AKAP19: variants seen among roughly 807,000 people sequenced by gnomAD.
AKAP19 encodes A-kinase anchoring protein 19.
At chr2:189,942,386 T>G in the AKAP19 span, among the ~76,000 whole-genome samples, 2 of 152,230 alleles carry the variant, frequency 1.3e-5, no homozygotes, top group South Asian at 4.1e-4. Flanking sequence ...GCTAGCATTG[T>G]GCTTCCTGTA....
the AKAP19 span, among the ~76,000 whole-genome samples, chr2:189,913,445 TTAATA>T: frequency 1.3e-5 from 2 of 152,100 alleles, no homozygotes; most frequent in South Asian, 2.1e-4. Flanking sequence ...CCAAAACACT[TTAATA>T]TATTTTTTAA....
the AKAP19 span, among the ~76,000 whole-genome samples, chr2:190,119,319 G>A: frequency 1.3e-5 from 2 of 152,244 alleles, no homozygotes; most frequent in Non-Finnish European, 2.9e-5. Context: ...CGCTTAGGTA[G>A]TATCAGCCAG....
chr2:189,886,995 T>C, the AKAP19 span, among the ~76,000 whole-genome samples: 37 of 152,338 alleles, frequency 2.4e-4, no homozygotes, highest in African/African-American at 8.2e-4. Flanking sequence ...TTTTTAAATT[T>C]TTTTTATTAT....
the AKAP19 span, chr2:189,930,281 GA>G: frequency 1.8e-6 from 1 of 542,216 alleles, no homozygotes; most frequent in Non-Finnish European, 2.8e-6. Flanking sequence ...AGTCTAGGTT[GA>G]AAGCAGTGCT....
the AKAP19 span, among the ~76,000 whole-genome samples, chr2:190,106,345 A>G: frequency 6.6e-6 from 1 of 152,196 alleles, no homozygotes; most frequent in East Asian, 1.9e-4. Context: ...TGTAAAATAT[A>G]TTCAGTTTTA....
At chr2:190,058,904 C>A in the AKAP19 span, among the ~76,000 whole-genome samples, 1 of 151,808 alleles carries the variant, frequency 6.6e-6, no homozygotes, top group East Asian at 1.9e-4. Flanking sequence ...GTGATGGGTG[C>A]ACTAAAACCT....
chr2:189,951,194 CTTTTTTTT>C, the AKAP19 span, among the ~76,000 whole-genome samples: 1 of 60,408 alleles, frequency 1.7e-5, no homozygotes, highest in Non-Finnish European at 2.9e-5. Context: ...CTGAATCCTC[CTTTTTTTT>C]TTTTTTTTTT....
the AKAP19 span, among the ~76,000 whole-genome samples, chr2:190,164,960 T>C: frequency 6.6e-6 from 1 of 152,202 alleles, no homozygotes; most frequent in African/African-American, 2.4e-5. Flanking sequence ...AGAATGATCA[T>C]TTCTAAGTCA....
At chr2:190,069,366 A>G in the AKAP19 span, among the ~76,000 whole-genome samples, 1 of 152,188 alleles carries the variant, frequency 6.6e-6, no homozygotes, top group African/African-American at 2.4e-5. Context: ...TGAATTGGCA[A>G]ATAATTTGTC....
chr2:189,981,273 C>CTTTTT, the AKAP19 span, among the ~76,000 whole-genome samples: 2 of 128,986 alleles, frequency 1.6e-5, no homozygotes, highest in Non-Finnish European at 3.3e-5. Flanking sequence ...CCTTCTTTGT[C>CTTTTT]TTTTTTTTTT....
chr2:190,021,519 G>T, the AKAP19 span, among the ~76,000 whole-genome samples: 1 of 152,156 alleles, frequency 6.6e-6, no homozygotes, highest in Admixed American at 6.5e-5. Context: ...TCTTAAAAAA[G>T]AACTTACCAT....
chr2:190,189,792 C>G, the AKAP19 span: 1 of 152,198 alleles, frequency 6.6e-6, no homozygotes, highest in Non-Finnish European at 1.5e-5. Context: ...AGCACTCTAC[C>G]TGTTCCCAAA....
the AKAP19 span, among the ~76,000 whole-genome samples, chr2:190,070,086 G>A: frequency 1.2e-3 from 190 of 152,190 alleles, 1 homozygote; most frequent in African/African-American, 4.0e-3. Flanking sequence ...TTAGGTCAGC[G>A]CTCAATTTCC....
chr2:190,048,563 C>T, the AKAP19 span, among the ~76,000 whole-genome samples: 7 of 152,304 alleles, frequency 4.6e-5, no homozygotes, highest in East Asian at 1.9e-4. Context: ...CATCCCCCCA[C>T]GTACAACTAG....
At chr2:190,189,533 C>A in the AKAP19 span, among the ~76,000 whole-genome samples, 1 of 152,142 alleles carries the variant, frequency 6.6e-6, no homozygotes, top group Non-Finnish European at 1.5e-5. Context: ...GCTAAACCAG[C>A]TGAAGGTTAA....
At chr2:190,063,478 G>T in the AKAP19 span, among the ~76,000 whole-genome samples, 2 of 152,052 alleles carry the variant, frequency 1.3e-5, no homozygotes, top group Non-Finnish European at 1.5e-5. Flanking sequence ...TACCAAGAGG[G>T]TAATGCCAGC....
chr2:190,195,316 G>A, the AKAP19 span, among the ~76,000 whole-genome samples: 3 of 152,252 alleles, frequency 2.0e-5, no homozygotes, highest in African/African-American at 4.8e-5. Flanking sequence ...GGATTTAAGC[G>A]TTCAACTTAT....
the AKAP19 span, among the ~76,000 whole-genome samples, chr2:190,088,440 T>C: frequency 5.9e-5 from 9 of 152,064 alleles, no homozygotes; most frequent in African/African-American, 2.2e-4. Flanking sequence ...TAGTACATTA[T>C]CAACAAGTTT....
the AKAP19 span, among the ~76,000 whole-genome samples, chr2:190,158,571 G>T: frequency 6.6e-6 from 1 of 152,146 alleles, no homozygotes; most frequent in African/African-American, 2.4e-5. Flanking sequence ...TACTTTTAAT[G>T]ATATTGATTA....
Sources: allele counts gnomAD v4.1 joint callset (sites outside exome capture counted in the v4.1 genomes callset), GRCh38; gene constraint gnomAD v4.1.1; transcripts MANE v1.5; gene names NCBI Gene and HGNC (gene_info 2026-07-23, HGNC 2026-07-21).